AHR: variants seen among roughly 807,000 people sequenced by gnomAD.
The protein encoded by AHR is AH-receptor.
AHR carries 40 observed loss-of-function variants against 86.8 expected under a neutral mutation model. That is an observed-to-expected ratio of 0.46 (90% CI 0.36 to 0.60). The LOEUF is 0.60. Among genes scored for constraint, AHR ranks in the 20% least tolerant of loss-of-function variants. The pLI is 0.00. For missense variants in AHR, 1,001 were observed against 1,011.6 expected (o/e 0.99, Z 0.14); for synonymous variants, 398 against 354.9 (o/e 1.12, Z -1.37).
chr7:17,316,007 A>G (rs1476038922), intron 2 of AHR, among the ~76,000 whole-genome samples: 2 of 152,168 alleles, frequency 1.3e-5, no homozygotes, highest in African/African-American at 4.8e-5. Flanking sequence ...AAAAGTACCA[A>G]AGATAAGATG....
At chr7:17,311,451 G>C (rs1355372845) in intron 2 of AHR, among the ~76,000 whole-genome samples, 4 of 152,162 alleles carry the variant, frequency 2.6e-5, no homozygotes, top group Non-Finnish European at 5.9e-5. Context: ...TATTTGACTG[G>C]TAATTTGTGT....
In AHR at chr7:17,333,794, A is replaced by C. The variant is rs1782326268; in HGVS notation, c.706-118A>C. The C allele has an allele frequency of 4.1e-6, 3 of 733,252 alleles. No individual in the cohort carries two copies. The Admixed American group carries it at 8.4e-5, about 21-fold the overall frequency. 45.4% of individuals were successfully genotyped at this position (733,252 alleles called of 1,614,324 possible). A position where few individuals can be genotyped will look rare whatever the true frequency, so the allele number is the denominator to read the frequency against. ...AAGGAAACTAACAGTTCTCAGCTTC[A>C]GGAATATTTATGGAATTATCAAGAA... On this transcript the variant is annotated intron_variant, in intron 6 of 10. Transcript: ENST00000242057.
At chr7:17,334,569 G>C (rs1319885231) in intron 7 of AHR, among the ~76,000 whole-genome samples, 1 of 151,900 alleles carries the variant, frequency 6.6e-6, no homozygotes, top group Non-Finnish European at 1.5e-5. Context: ...CCTAAAAATA[G>C]ATTATAAAAA....
chr7:17,311,433 T>C (rs1467541158), intron 2 of AHR, among the ~76,000 whole-genome samples: 1 of 152,184 alleles, frequency 6.6e-6, no homozygotes, highest in Non-Finnish European at 1.5e-5. Flanking sequence ...AGACAACACG[T>C]TTATGGATAT....
At chr7:17,341,300 C>A (rs773887705) in intron 10 of AHR, among the ~76,000 whole-genome samples, 11 of 151,990 alleles carry the variant, frequency 7.2e-5, no homozygotes, top group Non-Finnish European at 1.3e-4. Flanking sequence ...TCCTTACATC[C>A]TTCAATTATA....
At chr7:17,310,257 TG>T (rs1782048816) in intron 2 of AHR, 134 bp downstream of exon 2, 6 of 797,824 alleles carry the variant, frequency 7.5e-6, no homozygotes, top group Non-Finnish European at 5.5e-6. Context: ...AAAATTTCAG[TG>T]GCAAAGCCAG....
Position 17,339,829 on chromosome 7 carries a change from C to A in AHR, c.2004C>A (p.Asp668Glu). 1.2e-6 allele frequency: 2 copies of A among 1,614,188 alleles called. No individual in the cohort carries two copies. Among genetic ancestry groups the A allele is most frequent in the African/African-American group, 2.7e-5 (2 of 75,036 alleles). The part of the protein sequence containing the change: ...QFVPFNCPQQ[D>E]PQQYNVFTDL... ...TGCCTTTCAATTGTCCACAGCAAGACCCACAACAATATAATGTCTTTACAG... is the reference window on the plus strand; with the variant it reads ...TGCCTTTCAATTGTCCACAGCAAGAACCACAACAATATAATGTCTTTACAG... The change falls in exon 10 of 11, where the codon GAC becomes GAA. Residue 668 changes from aspartate (D) to glutamate (E), a missense_variant. By Grantham distance (45) the Asp-to-Glu change is conservative (BLOSUM62 2). This residue lies in a region of AHR where 607 missense variants were observed against 543.1 expected (regional missense o/e 1.12). Transcript: ENST00000242057.
chr7:17,335,550 C>T, intron 8 of AHR, 95 bp from the exon 9 acceptor site: 1 of 1,007,172 alleles, frequency 9.9e-7, no homozygotes, highest in South Asian at 2.3e-5. Context: ...AAAGGAAATA[C>T]ATCCAGAACT....
intron 4 of AHR, among the ~76,000 whole-genome samples, chr7:17,328,300 A>G (rs1227167888): frequency 6.6e-6 from 1 of 152,004 alleles, no homozygotes; most frequent in African/African-American, 2.4e-5. Flanking sequence ...GCTGACCTAA[A>G]TAATGTGTAA....
In AHR at chr7:17,333,947, T is replaced by C. The variant is rs1359111302; in HGVS notation, c.741T>C (p.His247=). 7.4e-6 allele frequency: 12 copies of C among 1,613,264 alleles called. No homozygotes were observed. In the Admixed American group the frequency reaches 1.3e-4, roughly 18 times the overall value. ...TCCAAGGGAAGTTAAAGTATCTTCA[T>C]GGACAGAAAAAGAAAGGGAAAGATG... ...MNFQGKLKYL[H]GQKKKGKDGS... is the part of the protein sequence containing the mutation. The change falls in exon 7 of 11, where the codon CAT becomes CAC. Residue 247 remains histidine (H), a synonymous_variant. Coordinates refer to ENST00000242057, the MANE Select transcript of AHR (RefSeq NM_001621.5).
chr7:17,337,391 G>T lies in AHR; in HGVS notation c.1161-1595G>T, dbSNP rs576872746. Among the ~76,000 whole-genome samples, 7 of 150,988 alleles carry T rather than the reference G, an allele frequency of 4.6e-5. No individual in the cohort carries two copies. In the South Asian group the frequency reaches 1.5e-3, roughly 32 times the overall value. ...ATTGTGTTCATATTTGTATACATTT[G>T]TTGATATTTTATGTGCTTCTGTTAG... On this transcript the variant is annotated intron_variant, in intron 9 of 10. Coordinates refer to ENST00000242057, the MANE Select transcript of AHR (RefSeq NM_001621.5).
intron 2 of AHR, among the ~76,000 whole-genome samples, chr7:17,322,024 A>G (rs1044941196): frequency 1.3e-5 from 2 of 151,974 alleles, no homozygotes; most frequent in Non-Finnish European, 2.9e-5. Flanking sequence ...CCATCTCTCA[A>G]TAAGGTGTAT....
At chr7:17,323,908 C>T (rs1179245138) in intron 3 of AHR, among the ~76,000 whole-genome samples, 1 of 152,158 alleles carries the variant, frequency 6.6e-6, no homozygotes, top group Non-Finnish European at 1.5e-5. Flanking sequence ...ATTAAACACA[C>T]CTCTTGGGTT....
chr7:17,336,735 T>C (rs1237838042), intron 9 of AHR, among the ~76,000 whole-genome samples: 1 of 152,244 alleles, frequency 6.6e-6, no homozygotes, highest in African/African-American at 2.4e-5. Flanking sequence ...ACCATATGTA[T>C]ATGAGTGCAT....
At chr7:17,331,555 G>A (rs953139714) in intron 6 of AHR, among the ~76,000 whole-genome samples, 2 of 151,840 alleles carry the variant, frequency 1.3e-5, no homozygotes, top group South Asian at 4.1e-4. Context: ...TTAATAGGAG[G>A]ATGCTTACCA....
rs139289489 is a variant in AHR at position 17,339,487 on chromosome 7, A to G, written c.1662A>G (p.Arg554=). The G allele has an allele frequency of 5.0e-6, 8 of 1,614,144 alleles. No homozygotes were observed. The South Asian group carries it at 7.7e-5, about 16-fold the overall frequency. Residue 554 remains arginine (R), a synonymous_variant, in exon 10 of 11, where the codon AGA becomes AGG. Coordinates refer to ENST00000242057, the MANE Select transcript of AHR (RefSeq NM_001621.5). The part of the protein sequence containing the change: ...KNLGIDFEDI[R]HMQNEKFFRN... ...TAGGCATTGATTTTGAAGACATCAGACACATGCAGAATGAAAAATTTTTCA... is the reference window on the plus strand; with the variant it reads ...TAGGCATTGATTTTGAAGACATCAGGCACATGCAGAATGAAAAATTTTTCA...
chr7:17,340,108 T>C lies in AHR; in HGVS notation c.2283T>C (p.Pro761=), dbSNP rs747379780. 1.9e-6 allele frequency: 3 copies of C among 1,614,172 alleles called. No individual in the cohort carries two copies. In the Admixed American group the frequency reaches 5.0e-5, roughly 27 times the overall value. ...GLNPQSAIIT[P]QTCYAGAVSM... Reference sequence around the variant, plus strand: ...ATCCACAGTCAGCCATAATAACTCCTCAGACATGTTATGCTGGGGCCGTGT... The same window carrying C: ...ATCCACAGTCAGCCATAATAACTCCCCAGACATGTTATGCTGGGGCCGTGT... The change falls in exon 10 of 11, where the codon CCT becomes CCC. Residue 761 remains proline, a synonymous_variant. Coordinates refer to ENST00000242057, the MANE Select transcript of AHR (RefSeq NM_001621.5).
In AHR at chr7:17,322,628, T is replaced by G. The variant is rs1316524570; in HGVS notation, c.360+21T>G. On this transcript the variant is annotated intron_variant, in intron 3 of 10. Transcript: ENST00000242057. ...TACAGGTAAATTTTAGTAAATATAGTTTCTTACACTAAGGACAGTTGTAAA... is the reference window on the plus strand; with the variant it reads ...TACAGGTAAATTTTAGTAAATATAGGTTCTTACACTAAGGACAGTTGTAAA... The G allele has an allele frequency of 2.1e-6, 3 of 1,395,496 alleles. 1 individual carries two copies. In the East Asian group the frequency reaches 6.9e-5, roughly 32 times the overall value. The allele number at this position is 1,395,496 out of a possible 1,614,324, so 86.4% of individuals were successfully genotyped here.
At chr7:17,313,274 A>C (rs973945248) in intron 2 of AHR, among the ~76,000 whole-genome samples, 1 of 152,168 alleles carries the variant, frequency 6.6e-6, no homozygotes, top group African/African-American at 2.4e-5. Flanking sequence ...AGAGATTTGA[A>C]ACATGCTAAC....
Sources: allele counts gnomAD v4.1 joint callset (sites outside exome capture counted in the v4.1 genomes callset), GRCh38; gene constraint gnomAD v4.1.1; regional missense constraint gnomAD v4.1.1; transcripts MANE v1.5; gene names NCBI Gene and HGNC (gene_info 2026-07-23, HGNC 2026-07-21).